Variants in C2orf74 observed in about 807,000 individuals in gnomAD.
C2orf74 encodes uncharacterized protein C2orf74.
In C2orf74, 14 loss-of-function variants were observed where a neutral mutation model predicts 17.9. That is an observed-to-expected ratio of 0.78 (90% CI 0.52 to 1.22). The LOEUF (loss-of-function observed/expected upper bound fraction) is 1.22, where lower values mean the gene tolerates loss of function less well. C2orf74 is among the 50% of genes most tolerant of loss of function. The pLI, the probability that C2orf74 is intolerant of heterozygous loss-of-function variation, is 0.00. For missense variants in C2orf74, 217 were observed against 218.4 expected (o/e 0.99, Z 0.04); for synonymous variants, 79 against 72.6 (o/e 1.09, Z -0.44).
chr2:61,146,601 C>T (rs1355699350), intron 1 of C2orf74, among the ~76,000 whole-genome samples: 1 of 152,000 alleles, frequency 6.6e-6, no homozygotes, highest in African/African-American at 2.4e-5. Flanking sequence ...TTTGGGAGGC[C>T]GAGACGGGCA....
At chr2:61,161,255 T>C (rs1177302), upstream of C2orf74, among the ~76,000 whole-genome samples, 67,971 of 152,044 alleles carry the variant, frequency 0.45, 15,483 homozygotes, top group Middle Eastern at 0.52. Flanking sequence ...ATTGGGTTTG[T>C]TGTTGTTGAG....
chr2:61,149,320 T>C (rs1219637594), intron 1 of C2orf74, among the ~76,000 whole-genome samples: 1 of 152,162 alleles, frequency 6.6e-6, no homozygotes, highest in Non-Finnish European at 1.5e-5. Context: ...TGTGTCCTGC[T>C]ATAACTTTGT....
rs1016529120 is a variant in C2orf74 at position 61,154,582 on chromosome 2, A to G, written c.-121-8260A>G. 5.3e-5 allele frequency among the ~76,000 whole-genome samples: 8 copies of G among 152,342 alleles called. No individual in the cohort carries two copies. In the East Asian group the frequency reaches 1.2e-3, roughly 22 times the overall value. On this transcript the variant is annotated intron_variant, in intron 1 of 3. Coordinates refer to the C2orf74 transcript ENST00000426997. ...TAATAGGGGAAACTGGGTGTGAGGT[A>G]TATGAGAACCCTCTGTACTGTCTTC... is the stretch of plus-strand genomic sequence containing the variant.
upstream of C2orf74, among the ~76,000 whole-genome samples, chr2:61,157,693 A>C (rs1685432637): frequency 6.6e-6 from 1 of 152,220 alleles, no homozygotes; most frequent in Admixed American, 6.5e-5. Context: ...ACTGAGGTTA[A>C]TTAAGCTGAT....
chr2:61,158,010 G>A (rs1284490626), upstream of C2orf74: 16 of 471,054 alleles, frequency 3.4e-5, no homozygotes, highest in Admixed American at 1.9e-4. Flanking sequence ...CTGCAGGCAG[G>A]AGGTAGGCAG....
rs1304330089 is a variant in C2orf74, at chr2:61,148,106, T to G, written c.-122+2910T>G. 3.4e-5 allele frequency among the ~76,000 whole-genome samples: 5 copies of G among 148,124 alleles called. No homozygotes were observed. In the East Asian group the frequency reaches 9.7e-4, roughly 29 times the overall value. On this transcript the variant is annotated intron_variant, in intron 1 of 3. Transcript: ENST00000426997. ...TTTTAACTTTGGAAAGGAATATATA[T>G]GGAATATATATATTTAAATATATGT...
At chr2:61,154,489 TTAA>T (rs1050359938) in intron 1 of C2orf74, among the ~76,000 whole-genome samples, 3 of 152,154 alleles carry the variant, frequency 2.0e-5, no homozygotes, top group Non-Finnish European at 4.4e-5. Context: ...TGGGCTTTAG[TTAA>T]TAATAATTTA....
At chr2:61,149,414 A>C (rs185513507) in intron 1 of C2orf74, among the ~76,000 whole-genome samples, 1 of 152,168 alleles carries the variant, frequency 6.6e-6, no homozygotes, top group East Asian at 1.9e-4. Flanking sequence ...GTGCAACTTC[A>C]AGGTTTATTC....
chr2:61,151,680 C>T (rs1173131032), intron 1 of C2orf74: 1 of 152,066 alleles, frequency 6.6e-6, no homozygotes, highest in Non-Finnish European at 1.5e-5. Context: ...AGTGTCCTTA[C>T]AACATGGCAA....
chr2:61,160,318 G>A (rs564410025), upstream of C2orf74, among the ~76,000 whole-genome samples: 16 of 152,070 alleles, frequency 1.1e-4, no homozygotes, highest in South Asian at 2.9e-3. Context: ...CTGCCCCCAC[G>A]CCTGGCTAAT....
intron 1 of C2orf74, chr2:61,152,005 C>T (rs866842417): frequency 6.6e-6 from 1 of 152,348 alleles, no homozygotes; most frequent in African/African-American, 2.4e-5. Flanking sequence ...TGAAGCTTCT[C>T]CCTTTTGTGG....
rs574219789 is a variant in C2orf74, at chr2:61,150,571, C to A, written c.-122+5375C>A. 4.5e-4 allele frequency among the ~76,000 whole-genome samples: 68 copies of A among 152,186 alleles called. 1 individual carries two copies. In the South Asian group the frequency reaches 0.013, roughly 30 times the overall value. On this transcript the variant is annotated intron_variant, in intron 1 of 3. Coordinates refer to the C2orf74 transcript ENST00000426997. Reference sequence around the variant, plus strand: ...TCCCCCTCCACATGTTCCTTTATGCCCACATATAGTCAGTCAGATGCAGCT... The same window carrying A: ...TCCCCCTCCACATGTTCCTTTATGCACACATATAGTCAGTCAGATGCAGCT...
At chr2:61,160,016 T>G (rs1373417243), upstream of C2orf74, among the ~76,000 whole-genome samples, 3 of 152,226 alleles carry the variant, frequency 2.0e-5, no homozygotes, top group African/African-American at 7.2e-5. Flanking sequence ...ACCATGATTC[T>G]GCTTTCTGTG....
At chr2:61,156,627 T>A (rs1685399280) in intron 1 of C2orf74, among the ~76,000 whole-genome samples, 2 of 152,226 alleles carry the variant, frequency 1.3e-5, no homozygotes, top group Non-Finnish European at 2.9e-5. Flanking sequence ...CTCATGCCTG[T>A]AATCCTAGCA....
At chr2:61,152,104 T>C (rs1573708112) in intron 1 of C2orf74, 1 of 152,358 alleles carries the variant, frequency 6.6e-6, no homozygotes, top group African/African-American at 2.4e-5. Flanking sequence ...CAGGGTCAGG[T>C]TTTCAGAAGG....
At chr2:61,146,386 T>A (rs1559172502) in intron 1 of C2orf74, among the ~76,000 whole-genome samples, 1 of 152,204 alleles carries the variant, frequency 6.6e-6, no homozygotes, top group South Asian at 2.1e-4. Flanking sequence ...AAACTAATAG[T>A]CATGGTTTCT....
At chr2:61,154,451 TA>T (rs1685336498) in intron 1 of C2orf74, among the ~76,000 whole-genome samples, 1 of 152,038 alleles carries the variant, frequency 6.6e-6, no homozygotes, top group Non-Finnish European at 1.5e-5. Context: ...AGACATTAGG[TA>T]AAAACTAAGA....
upstream of C2orf74, chr2:61,159,511 G>T (rs1322961740): frequency 5.8e-5 from 10 of 170,982 alleles, no homozygotes; most frequent in Non-Finnish European, 1.0e-4. Context: ...GGCCAGGCTG[G>T]TCTCAAACTC....
chr2:61,158,524 C>G (rs1203552825), upstream of C2orf74, among the ~76,000 whole-genome samples: 7 of 152,186 alleles, frequency 4.6e-5, no homozygotes, highest in African/African-American at 1.4e-4. Context: ...CTAGGTCTTG[C>G]TGCTGGCTGC....
Sources: gnomAD v4.1 joint callset for allele counts (sites outside exome capture counted in the v4.1 genomes callset) on GRCh38, gnomAD v4.1.1 for gene constraint, MANE v1.5 for transcripts, NCBI Gene and HGNC (gene_info 2026-07-23, HGNC 2026-07-21) for gene names.